OSBP2: variants seen among roughly 807,000 people sequenced by gnomAD.
OSBP2 encodes the protein oxysterol binding protein 2.
OSBP2 carries 66 observed loss-of-function variants against 96.0 expected under a neutral mutation model. The observed-to-expected ratio is 0.69, with a 90% CI of 0.56 to 0.84. OSBP2 has a LOEUF of 0.84. Ranked by LOEUF, OSBP2 falls within the 40% of genes least tolerant of loss-of-function variation. OSBP2 has a pLI of 0.00. For synonymous variants in OSBP2, 525 were observed against 520.9 expected (o/e 1.01, Z -0.11); for missense variants, 1,038 against 1,222.7 (o/e 0.85, Z 2.25).
intron 2 of OSBP2, among the ~76,000 whole-genome samples, chr22:30,786,623 TAGG>T (rs1384009027): frequency 6.6e-6 from 1 of 150,386 alleles, no homozygotes; most frequent in Non-Finnish European, 1.5e-5. Flanking sequence ...TTGTTGAAGA[TAGG>T]AGGAGTACAA....
intron 2 of OSBP2, among the ~76,000 whole-genome samples, chr22:30,838,028 A>G (rs1008199484): frequency 5.3e-5 from 8 of 152,208 alleles, no homozygotes; most frequent in Non-Finnish European, 7.3e-5. Context: ...GCCCCGAGGT[A>G]CATATTTTTT....
intron 2 of OSBP2, among the ~76,000 whole-genome samples, chr22:30,802,796 C>T (rs548280082): frequency 2.6e-5 from 4 of 152,160 alleles, no homozygotes; most frequent in East Asian, 1.9e-4. Context: ...CCTCCTCGGG[C>T]GGTGGGGAGG....
chr22:30,890,704 G>T lies in OSBP2; in HGVS notation c.1624-24G>T. 6.2e-7 allele frequency: 1 copy of T among 1,607,318 alleles called. No individual in the cohort carries two copies. The highest frequency in any genetic ancestry group is 8.5e-7 in the Non-Finnish European group (1 of 1,177,866). ...CCAAGCCGGGGCTGGTGCCCAGCCT[G>T]ACCACCCACCTGTCCACCCACAGGT... On this transcript the variant is annotated intron_variant, in intron 7 of 13. Coordinates refer to ENST00000332585, the MANE Select transcript of OSBP2 (RefSeq NM_030758.4). This position sits in a 1 kb window ranked among gnomAD's most constrained non-coding sequence, Gnocchi z 4.4.
intron 3 of OSBP2, among the ~76,000 whole-genome samples, chr22:30,879,440 G>C (rs1414689597): frequency 6.6e-6 from 1 of 152,268 alleles, no homozygotes; most frequent in African/African-American, 2.4e-5. Context: ...AGTGCCGAGA[G>C]TGAGTCAAGT....
At chr22:30,836,960 C>G (rs753210837) in intron 2 of OSBP2, among the ~76,000 whole-genome samples, 3 of 152,040 alleles carry the variant, frequency 2.0e-5, no homozygotes, top group Admixed American at 1.3e-4. Flanking sequence ...ACCAATTTAA[C>G]AGATCAAAGA....
chr22:30,747,049 G>C (rs1193649708), intron 2 of OSBP2, among the ~76,000 whole-genome samples: 1 of 152,138 alleles, frequency 6.6e-6, no homozygotes, highest in Non-Finnish European at 1.5e-5. Flanking sequence ...ACATCAATTT[G>C]ACTGAAGGTG....
At chr22:30,788,190 T>A (rs1408718884) in intron 2 of OSBP2, among the ~76,000 whole-genome samples, 2 of 152,096 alleles carry the variant, frequency 1.3e-5, no homozygotes, top group African/African-American at 4.8e-5. Context: ...GTGACAGTGA[T>A]GGTGATGGTG....
Position 30,722,660 on chromosome 22 carries a change from CCT to C in OSBP2, c.645-18496_645-18495del, listed in dbSNP as rs1304555603. 2.0e-5 allele frequency among the ~76,000 whole-genome samples: 3 copies of C among 147,110 alleles called. No individual in the cohort carries two copies. The East Asian group carries it at 5.9e-4, about 29-fold the overall frequency. ...CTCTCTTTCTCTTTCTCCTTCCTTC[CCT>C]CTCTTTTTCTCTTTCTTTCTTTTCT... On this transcript the variant is annotated intron_variant, in intron 1 of 13. Transcript: ENST00000332585.
chr22:30,835,212 A>G (rs2038607308), intron 2 of OSBP2, among the ~76,000 whole-genome samples: 1 of 151,968 alleles, frequency 6.6e-6, no homozygotes, highest in Non-Finnish European at 1.5e-5. Context: ...TATCTAAGAA[A>G]CCATTGTCTA....
chr22:30,814,141 C>G (rs1475574910), intron 2 of OSBP2, among the ~76,000 whole-genome samples: 3 of 152,146 alleles, frequency 2.0e-5, no homozygotes, highest in Non-Finnish European at 4.4e-5. Flanking sequence ...ATCCTCACAG[C>G]TCTGCATAAG....
intron 2 of OSBP2, among the ~76,000 whole-genome samples, chr22:30,751,521 G>C (rs1338366195): frequency 6.6e-6 from 1 of 151,816 alleles, no homozygotes; most frequent in Non-Finnish European, 1.5e-5. Context: ...CGCCTGGCTA[G>C]TTTTTGTATT....
At chr22:30,851,802 A>T (rs1353418390) in intron 2 of OSBP2, among the ~76,000 whole-genome samples, 1 of 152,104 alleles carries the variant, frequency 6.6e-6, no homozygotes, top group Admixed American at 6.5e-5. Flanking sequence ...ATTTTTATAG[A>T]TGCCTTTTAT....
upstream of OSBP2, chr22:30,694,103 C>T: frequency 6.5e-7 from 1 of 1,546,518 alleles, no homozygotes; most frequent in Non-Finnish European, 8.7e-7. Context: ...CACAGACTGC[C>T]AGCCTACCCA....
intron 1 of OSBP2, among the ~76,000 whole-genome samples, chr22:30,717,090 T>TTTTTTGTGTG (rs71328866): frequency 3.4e-5 from 4 of 118,320 alleles, no homozygotes; most frequent in African/African-American, 1.3e-4. Flanking sequence ...TTTACTGTTT[T>TTTTTTGTGTG]TGTGTGTGTG....
At chr22:30,804,063 AC>A (rs2145846013) in intron 2 of OSBP2, among the ~76,000 whole-genome samples, 1 of 152,078 alleles carries the variant, frequency 6.6e-6, no homozygotes, top group East Asian at 1.9e-4. Flanking sequence ...TCTGCCTTCG[AC>A]CCTACCAGCA....
chr22:30,746,184 C>T (rs1476254473), intron 2 of OSBP2, among the ~76,000 whole-genome samples: 1 of 151,966 alleles, frequency 6.6e-6, no homozygotes, highest in Non-Finnish European at 1.5e-5. Flanking sequence ...TTTGGGAGGC[C>T]TAGGAGGGAG....
At chr22:30,903,100 T>C (rs948501787) in intron 12 of OSBP2, among the ~76,000 whole-genome samples, 3 of 152,162 alleles carry the variant, frequency 2.0e-5, no homozygotes, top group African/African-American at 7.2e-5. Flanking sequence ...GAGGTGGCCA[T>C]GTGGGGGAGT....
chr22:30,905,712 TG>T, intron 12 of OSBP2, 124 bp from the exon 13 acceptor site: 1 of 1,413,870 alleles, frequency 7.1e-7, no homozygotes. Flanking sequence ...GAGGGAGTCC[TG>T]GACGCGGGGA....
chr22:30,796,512 A>G (rs1018415154), intron 2 of OSBP2, among the ~76,000 whole-genome samples: 4 of 151,882 alleles, frequency 2.6e-5, no homozygotes, highest in African/African-American at 4.8e-5. Context: ...TTATTTATTT[A>G]TTTATTTATT....
Sources: allele counts gnomAD v4.1 joint callset (sites outside exome capture counted in the v4.1 genomes callset), GRCh38; gene constraint gnomAD v4.1.1; non-coding constraint Gnocchi (gnomAD v3.1); transcripts MANE v1.5; gene names NCBI Gene and HGNC (gene_info 2026-07-23, HGNC 2026-07-21).